The following CNTNAP2 variants were observed in gnomAD, a reference collection of about 807,000 sequenced individuals.
The protein encoded by CNTNAP2 is contactin-associated protein-like 2.
Under a neutral mutation model 155.2 loss-of-function variants are expected in CNTNAP2, and 98 were observed. That is an observed-to-expected ratio of 0.63 (90% CI 0.54 to 0.75). The LOEUF is 0.75. Among genes scored for constraint, CNTNAP2 ranks in the 30% least tolerant of loss-of-function variants. The probability of loss-of-function intolerance (pLI) is 0.00; values close to 1 mark genes in which losing one functional copy is unlikely to be tolerated. For synonymous variants in CNTNAP2, 651 were observed against 631.2 expected, an observed-to-expected ratio of 1.03 and a Z score of -0.47; for missense variants, 1,727 against 1,688.1, an observed-to-expected ratio of 1.02 and a Z score of -0.40.
In CNTNAP2 at chr7:147,661,412, C is replaced by A. The variant is rs145515777; in HGVS notation, c.2098+22106C>A. 2.8e-4 allele frequency among the ~76,000 whole-genome samples: 42 copies of A among 152,250 alleles called. No homozygotes were observed. The South Asian group carries it at 8.1e-3, about 29-fold the overall frequency. Reference sequence around the variant, plus strand: ...GCCACAGTCTGTGCTGTCTAACGAACCTTCACTGAACTCATGGGTAGTACA... The same window carrying A: ...GCCACAGTCTGTGCTGTCTAACGAAACTTCACTGAACTCATGGGTAGTACA... On this transcript the variant is annotated intron_variant, in intron 13 of 23. Coordinates refer to ENST00000361727, the MANE Select transcript of CNTNAP2 (RefSeq NM_014141.6).
intron 1 of CNTNAP2, among the ~76,000 whole-genome samples, chr7:146,545,688 C>T (rs1798019533): frequency 6.6e-6 from 1 of 151,794 alleles, no homozygotes; most frequent in Non-Finnish European, 1.5e-5. Flanking sequence ...ACAACAGATG[C>T]TGGAAAGGAT....
rs934379356 is a variant in CNTNAP2 at position 148,079,486 on chromosome 7, C to T, written c.2384-38632C>T. Among the ~76,000 whole-genome samples the T allele has an allele frequency of 4.6e-5, 7 of 152,154 alleles. 1 individual carries two copies. The Middle Eastern group carries it at 0.02, about 444-fold the overall frequency. On this transcript the variant is annotated intron_variant, in intron 15 of 23. Coordinates refer to ENST00000361727, the MANE Select transcript of CNTNAP2 (RefSeq NM_014141.6). The stretch of plus-strand genomic sequence containing the variant: ...TTATTATACAAAGCCTACAGGTAGC[C>T]GGCTTTGGAGAGAATAGATTGTAAA...
intron 13 of CNTNAP2, among the ~76,000 whole-genome samples, chr7:147,645,769 T>C (rs948226363): frequency 6.6e-5 from 10 of 152,016 alleles, no homozygotes; most frequent in African/African-American, 2.4e-4. Context: ...TTCATATGAG[T>C]TAACTAAGAA....
intron 14 of CNTNAP2, among the ~76,000 whole-genome samples, chr7:147,949,440 G>GTGTATATATATATATATATA (rs374972144): frequency 4.1e-4 from 52 of 127,390 alleles, no homozygotes; most frequent in Non-Finnish European, 5.3e-4. Flanking sequence ...TCAACTGTGT[G>GTGTATATATATATATATATA]TATATATATA....
intron 13 of CNTNAP2, among the ~76,000 whole-genome samples, chr7:147,742,776 C>T (rs1796975620): frequency 6.6e-6 from 1 of 152,200 alleles, no homozygotes. Context: ...GGAATAGACA[C>T]AGTGTGTTTA....
chr7:146,907,802 A>C (rs1796171801), intron 3 of CNTNAP2, among the ~76,000 whole-genome samples: 1 of 151,954 alleles, frequency 6.6e-6, no homozygotes, highest in African/African-American at 2.4e-5. Flanking sequence ...ACATAACAAT[A>C]TTAACTTTAA....
intron 9 of CNTNAP2, among the ~76,000 whole-genome samples, chr7:147,377,143 C>CT (rs1275029902): frequency 6.6e-6 from 1 of 150,478 alleles, no homozygotes; most frequent in Admixed American, 6.7e-5. Flanking sequence ...TTCTCCCCCC[C>CT]CTTTTGGTTG....
chr7:147,023,593 C>T (rs1488595957), intron 3 of CNTNAP2, among the ~76,000 whole-genome samples: 1 of 152,140 alleles, frequency 6.6e-6, no homozygotes, highest in African/African-American at 2.4e-5. Context: ...TGTATTCCTC[C>T]TCAACCCCTA....
chr7:147,860,788 T>C (rs1584995976), intron 13 of CNTNAP2, among the ~76,000 whole-genome samples: 1 of 152,230 alleles, frequency 6.6e-6, no homozygotes. Context: ...TTCATGGCAG[T>C]GTGAAAATGC....
intron 12 of CNTNAP2, among the ~76,000 whole-genome samples, chr7:147,578,052 T>C (rs1454948703): frequency 6.6e-6 from 1 of 152,116 alleles, no homozygotes; most frequent in Non-Finnish European, 1.5e-5. Context: ...CGCTTTAGAA[T>C]CTATCTGTAT....
intron 8 of CNTNAP2, among the ~76,000 whole-genome samples, chr7:147,264,227 G>A (rs931848366): frequency 2.0e-5 from 3 of 152,024 alleles, no homozygotes; most frequent in South Asian, 2.1e-4. Context: ...ATCAACTCTT[G>A]GTTTAATGTT....
intron 1 of CNTNAP2, among the ~76,000 whole-genome samples, chr7:146,288,489 T>C (rs141034692): frequency 1.2e-3 from 180 of 152,144 alleles, no homozygotes; most frequent in African/African-American, 3.8e-3. Flanking sequence ...CCTCAGATAA[T>C]GTTGTTTGAT....
intron 3 of CNTNAP2, among the ~76,000 whole-genome samples, chr7:146,937,665 T>G (rs1234990671): frequency 6.6e-6 from 1 of 152,236 alleles, no homozygotes; most frequent in East Asian, 1.9e-4. Flanking sequence ...CCATTGGCTC[T>G]TGCTCTTACT....
chr7:148,234,288 G>A (rs950469631), intron 20 of CNTNAP2, among the ~76,000 whole-genome samples: 1 of 152,224 alleles, frequency 6.6e-6, no homozygotes, highest in Non-Finnish European at 1.5e-5. Context: ...ATAGACAGAT[G>A]TCTGGAAGGA....
At chr7:147,753,801 T>C (rs1235510867) in intron 13 of CNTNAP2, among the ~76,000 whole-genome samples, 2 of 152,120 alleles carry the variant, frequency 1.3e-5, no homozygotes, top group Non-Finnish European at 1.5e-5. Flanking sequence ...AACTAAAGGA[T>C]GAATTAGGAG....
chr7:147,499,368 A>C (rs1798768714), intron 11 of CNTNAP2, among the ~76,000 whole-genome samples: 1 of 151,976 alleles, frequency 6.6e-6, no homozygotes, highest in Non-Finnish European at 1.5e-5. Context: ...GTCTCTACTA[A>C]AAATAAAAAA....
chr7:147,459,413 C>A (rs899920053), intron 10 of CNTNAP2, among the ~76,000 whole-genome samples: 1 of 152,054 alleles, frequency 6.6e-6, no homozygotes, highest in Admixed American at 6.6e-5. Flanking sequence ...GTACTAATCC[C>A]CAAACCTATG....
chr7:147,614,036 T>G (rs1336317683), intron 12 of CNTNAP2, among the ~76,000 whole-genome samples: 3 of 152,216 alleles, frequency 2.0e-5, no homozygotes, highest in Non-Finnish European at 4.4e-5. Flanking sequence ...AGGTTGCATT[T>G]ATGTCAAGTT....
intron 3 of CNTNAP2, among the ~76,000 whole-genome samples, chr7:146,917,899 A>C (rs1277573733): frequency 6.6e-6 from 1 of 152,164 alleles, no homozygotes; most frequent in Admixed American, 6.5e-5. Flanking sequence ...CACGTTACCC[A>C]GTCTTGGGTA....
Sources: gnomAD v4.1 joint callset for allele counts (sites outside exome capture counted in the v4.1 genomes callset) on GRCh38, gnomAD v4.1.1 for gene constraint, MANE v1.5 for transcripts, NCBI Gene and HGNC (gene_info 2026-07-23, HGNC 2026-07-21) for gene names.